DCTD: variants seen among roughly 807,000 people sequenced by gnomAD.
DCTD encodes dCMP deaminase, also known as deoxycytidylate deaminase.
In DCTD, 23 loss-of-function variants were observed where a neutral mutation model predicts 21.0. That is an observed-to-expected ratio of 1.09 (90% CI 0.79 to 1.55). The LOEUF (loss-of-function observed/expected upper bound fraction) is 1.55. Ranked by LOEUF, DCTD falls within the 40% of genes most tolerant of loss-of-function variation. The probability of loss-of-function intolerance (pLI) is 0.00; values close to 1 mark genes in which losing one functional copy is unlikely to be tolerated. For missense variants in DCTD, 224 were observed against 230.0 expected (o/e 0.97, Z 0.17); for synonymous variants, 71 against 81.1 (o/e 0.88, Z 0.67).
In DCTD at chr4:182,917,324, C is replaced by G; in HGVS notation, c.-21G>C. On this transcript the variant is annotated 5_prime_UTR_variant, in exon 1 of 6. Coordinates refer to ENST00000438320, the MANE Select transcript of DCTD (RefSeq NM_001921.3). This position sits in a 1 kb window ranked among gnomAD's most constrained non-coding sequence, Gnocchi z 4.9. ...GCCCCCGCCCACCATCCGGTGCCGG[C>G]TCCGCGCGCAGGCCGGTGCTCGTCC... 1 of 1,092,454 alleles carries G rather than the reference C, an allele frequency of 9.2e-7. No individual in the cohort carries two copies. The highest frequency in any genetic ancestry group is 1.1e-6 in the Non-Finnish European group (1 of 899,800). 67.7% of individuals were successfully genotyped at this position (1,092,454 alleles called of 1,614,324 possible).
chr4:182,893,750 G>A (rs1262340267), intron 4 of DCTD, among the ~76,000 whole-genome samples: 3 of 152,254 alleles, frequency 2.0e-5, no homozygotes, highest in African/African-American at 7.2e-5. Flanking sequence ...GCACCGCGAG[G>A]AGAGCTTCCC....
In DCTD at chr4:182,914,983, C is replaced by T. The variant is rs1738441198; in HGVS notation, c.184G>A (p.Asp62Asn). ...GTCCTTCTCCAAGGCAACACGTCAT[C>T]ACTGCACCCATTTGGCATCCCATTG... ...GYNGMPNGCSDDVLPWRRTAE... is the reference protein window; with the variant it reads ...GYNGMPNGCSNDVLPWRRTAE... The change falls in exon 3 of 6, where the codon GAT becomes AAT. Residue 62 changes from aspartate (D) to asparagine (N), a missense_variant. Asp to Asn is a conservative substitution (Grantham distance 23, BLOSUM62 1). Coordinates refer to ENST00000438320, the MANE Select transcript of DCTD (RefSeq NM_001921.3). The T allele has an allele frequency of 1.9e-6, 3 of 1,614,210 alleles. No individual in the cohort carries two copies. The highest frequency in any genetic ancestry group is 2.5e-6 in the Non-Finnish European group (3 of 1,180,046).
chr4:182,903,795 T>G (rs924791873), intron 3 of DCTD, among the ~76,000 whole-genome samples: 3 of 152,116 alleles, frequency 2.0e-5, no homozygotes, highest in African/African-American at 7.2e-5. Flanking sequence ...GCCTGTCTTC[T>G]CTGCTTCCTC....
intron 3 of DCTD, among the ~76,000 whole-genome samples, chr4:182,912,921 C>T (rs554466941): frequency 3.9e-4 from 60 of 152,276 alleles, no homozygotes; most frequent in Non-Finnish European, 7.6e-4. Context: ...TATGACGGAC[C>T]GCCATCCCCC....
At chr4:182,913,264 C>G (rs1738043739) in intron 3 of DCTD, among the ~76,000 whole-genome samples, 1 of 152,218 alleles carries the variant, frequency 6.6e-6, no homozygotes, top group Non-Finnish European at 1.5e-5. Flanking sequence ...CTTACCCTCC[C>G]CCAACTCCAT....
At position 182,915,593 on chromosome 4, in the gene DCTD, C is replaced by T; in HGVS notation, c.-7-18G>A. The T allele has an allele frequency of 6.6e-7, 1 of 1,506,058 alleles. No individual in the cohort carries two copies. Among genetic ancestry groups the T allele is most frequent in the Non-Finnish European group, 9.2e-7 (1 of 1,081,474 alleles). The allele number at this position is 1,506,058 out of a possible 1,614,324, so 93.3% of individuals were successfully genotyped here. On this transcript the variant is annotated intron_variant, in intron 1 of 5. Coordinates refer to ENST00000438320, the MANE Select transcript of DCTD (RefSeq NM_001921.3). ...TGTTGGGTCTAGAAGAAAAACATGA[C>T]AAAACAGAAGTTGAGAGAAGCATTT...
At chr4:182,892,554 G>A (rs1485917649) in intron 5 of DCTD, among the ~76,000 whole-genome samples, 1 of 151,970 alleles carries the variant, frequency 6.6e-6, no homozygotes, top group African/African-American at 2.4e-5. Context: ...GCTTGAACCT[G>A]AGAAGCGGAG....
rs796238706 is a variant in DCTD, at chr4:182,895,511, C to T, written c.245-906G>A. Among the ~76,000 whole-genome samples the T allele has an allele frequency of 1.1e-4, 16 of 152,294 alleles. 1 individual carries two copies. Among genetic ancestry groups the T allele is most frequent in the African/African-American group, 3.6e-4 (15 of 41,554 alleles). On this transcript the variant is annotated intron_variant, in intron 3 of 5. Coordinates refer to ENST00000438320, the MANE Select transcript of DCTD (RefSeq NM_001921.3). ...GTTCAGAGTCAAGGGGATCCCCTTC[C>T]TCCCTCTCTCGAACCTGGCAAAGCC...
chr4:182,903,800 T>G (rs938738961), intron 3 of DCTD, among the ~76,000 whole-genome samples: 2 of 152,118 alleles, frequency 1.3e-5, no homozygotes, highest in African/African-American at 4.8e-5. Flanking sequence ...TCTTCTCTGC[T>G]TCCTCCCTAC....
At position 182,890,369 on chromosome 4, in the gene DCTD, G is replaced by A. The variant is rs1733539497; in HGVS notation, c.*1030C>T. Reference sequence around the variant, plus strand: ...GATTAGGAAGGTGATGCTTGTGTAGGTGAAAGCATGGAGCCAGGGCACAGA... The same window carrying A: ...GATTAGGAAGGTGATGCTTGTGTAGATGAAAGCATGGAGCCAGGGCACAGA... On this transcript the variant is annotated 3_prime_UTR_variant, in exon 6 of 6. Transcript: ENST00000438320. 6.6e-6 allele frequency: 1 copy of A among 152,282 alleles called. No individual in the cohort carries two copies. Among genetic ancestry groups the A allele is most frequent in the Non-Finnish European group, 1.5e-5 (1 of 68,076 alleles). 9.4% of individuals were successfully genotyped at this position (152,282 alleles called of 1,614,324 possible). A position where few individuals can be genotyped will look rare whatever the true frequency, so the allele number is the denominator to read the frequency against.
chr4:182,914,705 G>A (rs1738382662), intron 3 of DCTD, among the ~76,000 whole-genome samples: 1 of 152,212 alleles, frequency 6.6e-6, no homozygotes, highest in African/African-American at 2.4e-5. Context: ...CAGAGCCCTG[G>A]ATCTCAGGGC....
chr4:182,912,943 C>T lies in DCTD; in HGVS notation c.244+1980G>A, dbSNP rs531769091. 1.3e-5 allele frequency among the ~76,000 whole-genome samples: 2 copies of T among 152,278 alleles called. 1 individual carries two copies. Among genetic ancestry groups the T allele is most frequent in the African/African-American group, 4.8e-5 (2 of 41,574 alleles). On this transcript the variant is annotated intron_variant, in intron 3 of 5. Coordinates refer to ENST00000438320, the MANE Select transcript of DCTD (RefSeq NM_001921.3). ...GACCGCCATCCCCCCAGAATTCCTC[C>T]ATATCAAAGTCCAGCCCCAGGGCCA...
At chr4:182,892,685 T>C (rs2152853974) in intron 5 of DCTD, among the ~76,000 whole-genome samples, 1 of 152,240 alleles carries the variant, frequency 6.6e-6, no homozygotes, top group Admixed American at 6.5e-5. Flanking sequence ...TCATCCTAAA[T>C]TTTCTATGCC....
intron 5 of DCTD, among the ~76,000 whole-genome samples, chr4:182,892,189 A>G (rs1051470508): frequency 6.6e-6 from 1 of 152,188 alleles, no homozygotes; most frequent in African/African-American, 2.4e-5. Context: ...GTCACCTATG[A>G]CCATGGTCCC....
At chr4:182,915,868 TTG>T in intron 1 of DCTD, 1 of 1,163,786 alleles carries the variant, frequency 8.6e-7, no homozygotes, top group Non-Finnish European at 1.1e-6. Context: ...CTACAAATTG[TTG>T]TGTCCTTTAC....
chr4:182,899,004 G>A (rs534289524), intron 3 of DCTD, among the ~76,000 whole-genome samples: 1 of 152,308 alleles, frequency 6.6e-6, no homozygotes, highest in South Asian at 2.1e-4. Context: ...TATGTTTCAG[G>A]TGTCAACTGT....
rs1319852028 is a variant in DCTD, at chr4:182,917,067, C to A, written c.-8+244G>T. On this transcript the variant is annotated intron_variant, in intron 1 of 5. Transcript: ENST00000438320. This position sits in a 1 kb window ranked among gnomAD's most constrained non-coding sequence, Gnocchi z 4.9. Reference sequence around the variant, plus strand: ...TCCCGGGGCACTCCAAGGGGCCCGGCCTCGCACAGGCCGCGGCGCCCGCCG... The same window carrying A: ...TCCCGGGGCACTCCAAGGGGCCCGGACTCGCACAGGCCGCGGCGCCCGCCG... The A allele has an allele frequency of 1.0e-6, 1 of 986,834 alleles. No individual in the cohort carries two copies. Among genetic ancestry groups the A allele is most frequent in the Non-Finnish European group, 1.2e-6 (1 of 831,038 alleles). The allele number at this position is 986,834 out of a possible 1,614,324, so 61.1% of individuals were successfully genotyped here.
At chr4:182,897,298 A>G (rs1348964063) in intron 3 of DCTD, among the ~76,000 whole-genome samples, 2 of 150,898 alleles carry the variant, frequency 1.3e-5, no homozygotes, top group Non-Finnish European at 2.9e-5. Context: ...GTTAAAAAAT[A>G]TATATATATG....
At chr4:182,906,164 C>T (rs550281064) in intron 3 of DCTD, among the ~76,000 whole-genome samples, 1 of 152,196 alleles carries the variant, frequency 6.6e-6, no homozygotes, top group Non-Finnish European at 1.5e-5. Context: ...GTTTGGGCTG[C>T]TCTAACAAAT....
Sources: allele counts gnomAD v4.1 joint callset (sites outside exome capture counted in the v4.1 genomes callset), GRCh38; gene constraint gnomAD v4.1.1; non-coding constraint Gnocchi (gnomAD v3.1); transcripts MANE v1.5; gene names NCBI Gene and HGNC (gene_info 2026-07-23, HGNC 2026-07-21).